PLEKHF1: variants seen among roughly 807,000 people sequenced by gnomAD.
The protein encoded by PLEKHF1 is pleckstrin homology and FYVE domain containing 1.
A neutral mutation model predicts 4.1 loss-of-function variants in PLEKHF1; 1 was observed. That is an observed-to-expected ratio of 0.24 (90% confidence interval 0.09 to 1.15). PLEKHF1 has a LOEUF of 1.15. Among genes scored for constraint, PLEKHF1 ranks in the 50% most tolerant of loss-of-function variants. PLEKHF1 has a pLI of 0.52. For missense variants in PLEKHF1, 429 were observed against 400.6 expected, an observed-to-expected ratio of 1.07 and a Z score of -0.60; for synonymous variants, 182 against 178.5, an observed-to-expected ratio of 1.02 and a Z score of -0.16.
chr19:29,665,594 A>G, intron 1 of PLEKHF1, 89 bp downstream of exon 1: 1 of 1,226,152 alleles, frequency 8.2e-7, no homozygotes, highest in Non-Finnish European at 1.0e-6. Context: ...CGGACAAGCG[A>G]GCTCTCTCCC....
chr19:29,665,802 G>A (rs962489793), intron 1 of PLEKHF1: 2 of 1,073,386 alleles, frequency 1.9e-6, no homozygotes, highest in African/African-American at 3.5e-5. Flanking sequence ...GGAGGTAAGG[G>A]GGTCGCGGGC....
At chr19:29,668,943 C>T (rs1348307447) in intron 1 of PLEKHF1, among the ~76,000 whole-genome samples, 1 of 152,120 alleles carries the variant, frequency 6.6e-6, no homozygotes, top group African/African-American at 2.4e-5. Flanking sequence ...CACATGTGAG[C>T]CCCTGGCTTC....
intron 1 of PLEKHF1, among the ~76,000 whole-genome samples, chr19:29,669,494 C>G (rs1306240891): frequency 6.6e-6 from 1 of 152,220 alleles, no homozygotes; most frequent in Non-Finnish European, 1.5e-5. Flanking sequence ...TCCTGACATC[C>G]CCTGCAGGTG....
chr19:29,668,773 C>T (rs1431836454), intron 1 of PLEKHF1, among the ~76,000 whole-genome samples: 1 of 151,804 alleles, frequency 6.6e-6, no homozygotes, highest in Non-Finnish European at 1.5e-5. Context: ...TAACTCAGGG[C>T]TGCTGTATTT....
rs369965916 is a variant in PLEKHF1 at position 29,674,229 on chromosome 19, G to T, written c.390G>T (p.Val130=). ...QEWISHIEEC[V]RRQLRATGRP... ...GGATTAGCCACATCGAGGAGTGCGT[G>T]CGGCGGCAACTGAGGGCCACGGGCC... Residue 130 remains valine, a synonymous_variant, in exon 2 of 2, where the codon GTG becomes GTT. Coordinates refer to ENST00000436066, the MANE Select transcript of PLEKHF1 (RefSeq NM_024310.5). 8 of 1,611,488 alleles carry T rather than the reference G, an allele frequency of 5.0e-6. No individual in the cohort carries two copies. The highest frequency in any genetic ancestry group is 1.3e-5 in the African/African-American group (1 of 74,926).
Position 29,665,501 on chromosome 19 carries a change from AGAAGG to A in PLEKHF1, c.-20_-17+1del. On this transcript the variant is annotated splice_donor_variant and 5_prime_UTR_variant, in exon 1 of 2. Transcript: ENST00000436066. LOFTEE classifies it low-confidence loss of function (5UTR_SPLICE). ...CGAGGGCTGGGCGCGGGGCCGGCGC[AGAAGG>A]TGAGTCCCCCCACCGTCCCCCGGCC... The A allele has an allele frequency of 8.4e-7, 1 of 1,184,544 alleles. No homozygotes were observed. Among genetic ancestry groups the A allele is most frequent in the South Asian group, 1.3e-5 (1 of 74,792 alleles). The allele number at this position is 1,184,544 out of a possible 1,614,324, so 73.4% of individuals were successfully genotyped here.
At position 29,673,927 on chromosome 19, in the gene PLEKHF1, G is replaced by T; in HGVS notation, c.88G>T (p.Ala30Ser). The T allele has an allele frequency of 6.2e-7, 1 of 1,613,226 alleles. No individual in the cohort carries two copies. Among genetic ancestry groups the T allele is most frequent in the Non-Finnish European group, 8.5e-7 (1 of 1,179,686 alleles). Residue 30 changes from alanine (A) to serine (S), a missense_variant, in exon 2 of 2, where the codon GCG becomes TCG. Transcript: ENST00000436066. ...SCFGASGQPL[A>S]LPGRVLLGEG... is the part of the protein sequence containing the mutation. ...CTTCGGGGCCTCGGGGCAGCCGCTG[G>T]CGCTGCCAGGCCGAGTGCTGCTGGG...
intron 1 of PLEKHF1, among the ~76,000 whole-genome samples, chr19:29,670,860 G>A (rs912512197): frequency 3.3e-5 from 5 of 151,762 alleles, no homozygotes; most frequent in Non-Finnish European, 7.4e-5. Context: ...TGTATTTTAA[G>A]AGACAGAGTT....
chr19:29,674,372 GC>G lies in PLEKHF1; in HGVS notation c.534del (p.Cys178TrpfsTer182). On this transcript the variant is annotated frameshift_variant, in exon 2 of 2. Transcript: ENST00000436066. LOFTEE classifies it low-confidence loss of function (END_TRUNC). ...ACGAGGCGCCACCACTGCCGCAAGT[GC>G]GGCTTCGTGGTCTGCGCTGAGTGCT... ...ALTRRHHCRK[C>X]GFVVCAECSR... 6.5e-7 allele frequency: 1 copy of G among 1,538,072 alleles called. No individual in the cohort carries two copies. The highest frequency in any genetic ancestry group is 1.7e-4 in the Middle Eastern group (1 of 5,984).
Position 29,671,772 on chromosome 19 carries a change from G to A in PLEKHF1, c.-16-2052G>A, listed in dbSNP as rs1971633940. 2.0e-5 allele frequency among the ~76,000 whole-genome samples: 3 copies of A among 152,108 alleles called. No homozygotes were observed. The highest frequency in any genetic ancestry group is 7.2e-5 in the African/African-American group (3 of 41,412). ...CTGCAATGCATCCACCCTCACACTGGGGCCCCACTCTGGCTTTCTACTGGT... is the reference window on the plus strand; with the variant it reads ...CTGCAATGCATCCACCCTCACACTGAGGCCCCACTCTGGCTTTCTACTGGT... On this transcript the variant is annotated intron_variant, in intron 1 of 1. Transcript: ENST00000436066. The surrounding 1 kb of genome is among the most constrained non-coding windows in gnomAD (Gnocchi z 4.0).
chr19:29,672,569 T>G (rs1400500483), intron 1 of PLEKHF1, among the ~76,000 whole-genome samples: 1 of 152,012 alleles, frequency 6.6e-6, no homozygotes, highest in Non-Finnish European at 1.5e-5. Context: ...TGCTGAGAAA[T>G]GGGCAGGCTA....
intron 1 of PLEKHF1, among the ~76,000 whole-genome samples, chr19:29,668,003 A>T (rs540939350): frequency 6.6e-6 from 1 of 152,302 alleles, no homozygotes; most frequent in Admixed American, 6.5e-5. Context: ...ATCACGTATC[A>T]CACCTGGGCT....
intron 1 of PLEKHF1, among the ~76,000 whole-genome samples, chr19:29,668,156 C>T (rs1971590449): frequency 6.6e-6 from 1 of 152,242 alleles, no homozygotes; most frequent in East Asian, 1.9e-4. Context: ...CCCCACCCCT[C>T]TGAACCCTCA....
chr19:29,669,784 C>T (rs539956778), intron 1 of PLEKHF1, among the ~76,000 whole-genome samples: 2 of 152,244 alleles, frequency 1.3e-5, no homozygotes, highest in Admixed American at 6.5e-5. Context: ...CCAATCTGAG[C>T]CCTCCATTCC....
rs199506253 is a variant in PLEKHF1, at chr19:29,674,589, C to G, written c.750C>G (p.Asp250Glu). ...CCAGTGGAGATGACGATGACTCCGA[C>G]GAGGACAAGGAGGGCAGCAGGGACG... Reference protein sequence around the residue: ...GASSGDDDDSDEDKEGSRDGD... With the variant: ...GASSGDDDDSEEDKEGSRDGD... The change falls in exon 2 of 2, where the codon GAC becomes GAG. Residue 250 changes from aspartate to glutamate, a missense_variant. Physicochemically the swap from Asp to Glu is conservative, Grantham distance 45. Transcript: ENST00000436066. 8.3e-5 allele frequency: 134 copies of G among 1,605,578 alleles called. No individual in the cohort carries two copies. Among genetic ancestry groups the G allele is most frequent in the Non-Finnish European group, 1.1e-4 (131 of 1,176,852 alleles).
chr19:29,672,568 A>G (rs1462818086), intron 1 of PLEKHF1, among the ~76,000 whole-genome samples: 1 of 152,182 alleles, frequency 6.6e-6, no homozygotes, highest in African/African-American at 2.4e-5. Flanking sequence ...GTGCTGAGAA[A>G]TGGGCAGGCT....
intron 1 of PLEKHF1, among the ~76,000 whole-genome samples, chr19:29,672,218 G>A (rs932367936): frequency 6.6e-6 from 1 of 152,126 alleles, no homozygotes; most frequent in Non-Finnish European, 1.5e-5. Flanking sequence ...AGGGCCAGGT[G>A]GTGAATATTT....
chr19:29,667,463 T>A (rs1971581422), intron 1 of PLEKHF1, among the ~76,000 whole-genome samples: 1 of 152,186 alleles, frequency 6.6e-6, no homozygotes, highest in Non-Finnish European at 1.5e-5. Context: ...TGGGTCTGCG[T>A]GCGGCCCAGG....
chr19:29,673,187 G>T (rs1242607329), intron 1 of PLEKHF1, among the ~76,000 whole-genome samples: 1 of 152,174 alleles, frequency 6.6e-6, no homozygotes, highest in Non-Finnish European at 1.5e-5. Flanking sequence ...CTTCCTGGGT[G>T]GTTGCGTGGG....
Sources: allele counts gnomAD v4.1 joint callset (sites outside exome capture counted in the v4.1 genomes callset), GRCh38; gene constraint gnomAD v4.1.1; non-coding constraint Gnocchi (gnomAD v3.1); transcripts MANE v1.5; gene names NCBI Gene and HGNC (gene_info 2026-07-23, HGNC 2026-07-21).